The following SULF2 variants were observed in gnomAD, a reference collection of about 807,000 sequenced individuals.
SULF2 encodes extracellular sulfatase Sulf-2.
In SULF2, 52 loss-of-function variants were observed where a neutral mutation model predicts 107.7. The observed-to-expected ratio is 0.48, with a 90% CI of 0.39 to 0.61. The LOEUF (loss-of-function observed/expected upper bound fraction) is 0.61, where lower values mean the gene tolerates loss of function less well. Among genes scored for constraint, SULF2 ranks in the 20% least tolerant of loss-of-function variants. The pLI, the probability that SULF2 is intolerant of heterozygous loss-of-function variation, is 0.00. For synonymous variants in SULF2, 460 were observed against 464.3 expected (o/e 0.99, Z 0.12); for missense variants, 993 against 1,177.3 (o/e 0.84, Z 2.29).
intron 1 of SULF2, among the ~76,000 whole-genome samples, chr20:47,776,008 T>A (rs1013749597): frequency 6.6e-6 from 1 of 152,062 alleles, no homozygotes; most frequent in Non-Finnish European, 1.5e-5. Flanking sequence ...ACGGGTGAAG[T>A]GGACGCATAA....
intron 7 of SULF2, among the ~76,000 whole-genome samples, chr20:47,682,348 T>C (rs2087849932): frequency 6.6e-6 from 1 of 152,152 alleles, no homozygotes; most frequent in Admixed American, 6.5e-5. Flanking sequence ...TAGCAACACA[T>C]CTGCTTTTCA....
chr20:47,687,503 G>A (rs2088048971), intron 5 of SULF2, among the ~76,000 whole-genome samples: 1 of 152,106 alleles, frequency 6.6e-6, no homozygotes, highest in Admixed American at 6.5e-5. Context: ...TGTGTGTCTG[G>A]GGCCATCAGC....
At chr20:47,702,383 G>T in intron 4 of SULF2, 136 bp downstream of exon 4, 1 of 938,178 alleles carries the variant, frequency 1.1e-6, no homozygotes, top group Non-Finnish European at 1.6e-6. Flanking sequence ...CTGAGGAGGA[G>T]GTGTATGTAA....
chr20:47,745,454 T>TAC (rs2090012566), intron 2 of SULF2, among the ~76,000 whole-genome samples: 1 of 17,250 alleles, frequency 5.8e-5, no homozygotes, highest in African/African-American at 3.9e-4. Flanking sequence ...TATATATATA[T>TAC]ATACACATAC....
At chr20:47,731,471 G>C (rs2089610230) in intron 3 of SULF2, among the ~76,000 whole-genome samples, 1 of 152,030 alleles carries the variant, frequency 6.6e-6, no homozygotes, top group Non-Finnish European at 1.5e-5. Flanking sequence ...GGGATCACAG[G>C]CTTCAGTCAC....
intron 1 of SULF2, among the ~76,000 whole-genome samples, chr20:47,769,091 G>A (rs2090580415): frequency 6.6e-6 from 1 of 151,372 alleles, no homozygotes; most frequent in Admixed American, 6.6e-5. Context: ...CCAGGCTGGA[G>A]TGCAGTAGCG....
At chr20:47,775,643 A>G (rs2090711050) in intron 1 of SULF2, among the ~76,000 whole-genome samples, 1 of 152,226 alleles carries the variant, frequency 6.6e-6, no homozygotes, top group Non-Finnish European at 1.5e-5. Flanking sequence ...AACATCATTC[A>G]TTCATTCCTT....
rs193159753 is a variant in SULF2 at position 47,710,582 on chromosome 20, C to G, written c.416-7912G>C. 1.9e-3 allele frequency among the ~76,000 whole-genome samples: 288 copies of G among 151,580 alleles called. 14 individuals are homozygous for G. Among genetic ancestry groups the G allele is most frequent in the African/African-American group, 6.9e-3 (281 of 40,878 alleles). On this transcript the variant is annotated intron_variant, in intron 3 of 20. Transcript: ENST00000688720. ...TAACGACACGTTTCTCAGCATGTAT[C>G]CCCATTGTTACGTGACACACGACTG...
At chr20:47,778,212 C>A (rs561289011) in intron 1 of SULF2, among the ~76,000 whole-genome samples, 1 of 152,292 alleles carries the variant, frequency 6.6e-6, no homozygotes, top group Non-Finnish European at 1.5e-5. Context: ...TGACCATGAG[C>A]CAATAAGAAA....
At chr20:47,659,523 A>G in intron 19 of SULF2, 71 bp from the exon 20 acceptor site, 1 of 1,549,842 alleles carries the variant, frequency 6.5e-7, no homozygotes, top group East Asian at 2.2e-5. Context: ...CCAAAGAACT[A>G]TACAAAGAAG....
At position 47,665,929 on chromosome 20, in the gene SULF2, T is replaced by C; in HGVS notation, c.1830A>G (p.Thr610=). Residue 610 remains threonine, a synonymous_variant, in exon 13 of 21, where the codon ACA becomes ACG. Coordinates refer to ENST00000688720, the MANE Select transcript of SULF2 (RefSeq NM_001387048.1). The part of the protein sequence containing the change: ...THRCYILEND[T]VQCDLDLYKS... ...TGTACAGGTCCAGGTCACACTGGACTGTGTCGTTCTCTAGGATGTAGCACC... is the reference window on the plus strand; with the variant it reads ...TGTACAGGTCCAGGTCACACTGGACCGTGTCGTTCTCTAGGATGTAGCACC... 1 of 1,614,088 alleles carries C rather than the reference T, an allele frequency of 6.2e-7. No homozygotes were observed. The highest frequency in any genetic ancestry group is 1.1e-5 in the South Asian group (1 of 91,088).
chr20:47,765,830 C>T (rs1193471146), intron 1 of SULF2, among the ~76,000 whole-genome samples: 1 of 152,236 alleles, frequency 6.6e-6, no homozygotes, highest in Admixed American at 6.5e-5. Flanking sequence ...GACACTTATG[C>T]TGACTTGGAA....
chr20:47,683,463 T>C (rs1283035793), intron 6 of SULF2, among the ~76,000 whole-genome samples: 1 of 152,244 alleles, frequency 6.6e-6, no homozygotes, highest in Non-Finnish European at 1.5e-5. Context: ...GGGCAGACAC[T>C]TTTGTCATTT....
At chr20:47,771,507 G>C (rs749430758) in intron 1 of SULF2, among the ~76,000 whole-genome samples, 53 of 152,158 alleles carry the variant, frequency 3.5e-4, no homozygotes, top group Admixed American at 3.9e-4. Context: ...ATAAGACCTC[G>C]TTTGGGGAAA....
intron 5 of SULF2, among the ~76,000 whole-genome samples, chr20:47,687,750 C>T (rs1240247808): frequency 2.0e-5 from 3 of 151,514 alleles, no homozygotes; most frequent in Non-Finnish European, 4.4e-5. Flanking sequence ...CTCTGTCACT[C>T]AGGCTGGAGT....
intron 2 of SULF2, among the ~76,000 whole-genome samples, chr20:47,753,908 T>C (rs2090218422): frequency 6.6e-6 from 1 of 152,308 alleles, no homozygotes; most frequent in South Asian, 2.1e-4. Flanking sequence ...TCTTATTCTT[T>C]TGGAGCGGAA....
At chr20:47,737,932 T>C (rs4810675) in intron 2 of SULF2, among the ~76,000 whole-genome samples, 103,799 of 151,596 alleles carry the variant, frequency 0.68, 36,893 homozygotes, top group African/African-American at 0.89. Flanking sequence ...TTAGTAGAGA[T>C]GACGTTTCGC....
intron 6 of SULF2, 75 bp from the exon 7 acceptor site, chr20:47,683,244 G>A (rs1234899883): frequency 9.0e-6 from 13 of 1,436,546 alleles, no homozygotes; most frequent in Admixed American, 8.5e-5. Flanking sequence ...GGTGACAGGC[G>A]CTTGAGATCT....
At chr20:47,714,332 A>C (rs2089036001) in intron 3 of SULF2, among the ~76,000 whole-genome samples, 1 of 151,994 alleles carries the variant, frequency 6.6e-6, no homozygotes. Flanking sequence ...CGGCCTCTTG[A>C]TTTTCGCCCT....
Sources: gnomAD v4.1 joint callset for allele counts (sites outside exome capture counted in the v4.1 genomes callset) on GRCh38, gnomAD v4.1.1 for gene constraint, MANE v1.5 for transcripts, NCBI Gene and HGNC (gene_info 2026-07-23, HGNC 2026-07-21) for gene names.